Variants in LITAF observed in about 807,000 individuals in gnomAD.
LITAF encodes the protein lipopolysaccharide-induced tumor necrosis factor-alpha factor.
A neutral mutation model predicts 14.5 loss-of-function variants in LITAF; 9 were observed. The observed-to-expected ratio is 0.62, with a 90% CI of 0.37 to 1.08. The LOEUF (loss-of-function observed/expected upper bound fraction) is 1.08, where lower values mean the gene tolerates loss of function less well. Ranked by LOEUF, LITAF falls within the 50% of genes least tolerant of loss-of-function variation. The pLI, the probability that LITAF is intolerant of heterozygous loss-of-function variation, is 0.01. For missense variants in LITAF, 206 were observed against 213.4 expected, an observed-to-expected ratio of 0.97 and a Z score of 0.22; for synonymous variants, 98 against 88.2, an observed-to-expected ratio of 1.11 and a Z score of -0.62.
intron 3 of LITAF, among the ~76,000 whole-genome samples, chr16:11,613,992 C>T (rs769099428): frequency 7.2e-5 from 11 of 152,226 alleles, no homozygotes; most frequent in Non-Finnish European, 1.5e-4. Flanking sequence ...GATTTGGACA[C>T]TTGCACATGA....
chr16:11,632,503 C>T lies in LITAF; in HGVS notation c.85+1030G>A, dbSNP rs898336315. Among the ~76,000 whole-genome samples the T allele has an allele frequency of 1.5e-4, 23 of 152,224 alleles. No individual in the cohort carries two copies. The highest frequency in any genetic ancestry group is 3.1e-4 in the Non-Finnish European group (21 of 68,034). On this transcript the variant is annotated intron_variant, in intron 3 of 3. Transcript: ENST00000574848. This position sits in a 1 kb window ranked among gnomAD's most constrained non-coding sequence, Gnocchi z 4.8. ...AGGGAAGCTCCCGCAGGTCCCAGCT[C>T]AGAACTAACAGCTACCCCTGACTCT...
chr16:11,595,375 C>T (rs900673673), intron 1 of LITAF, among the ~76,000 whole-genome samples: 4 of 152,088 alleles, frequency 2.6e-5, no homozygotes, highest in Non-Finnish European at 4.4e-5. Context: ...GGAGCTGAAA[C>T]GGGGTGAGCT....
In LITAF at chr16:11,549,438, T is replaced by C; in HGVS notation, c.*199A>G. 3.1e-6 allele frequency: 2 copies of C among 635,734 alleles called. No homozygotes were observed. Among genetic ancestry groups the C allele is most frequent in the Non-Finnish European group, 5.8e-6 (2 of 341,988 alleles). The allele number at this position is 635,734 out of a possible 1,614,324, so 39.4% of individuals were successfully genotyped here. On this transcript the variant is annotated 3_prime_UTR_variant, in exon 4 of 4. Coordinates refer to ENST00000622633, the MANE Select transcript of LITAF (RefSeq NM_001136472.2). This position sits in a 1 kb window ranked among gnomAD's most constrained non-coding sequence, Gnocchi z 4.6. ...TCAAGGGGAATGTCTTTGCAAGTCC[T>C]ATGCACGACTCCAAGCAGCAATTTC...
intron 1 of LITAF, among the ~76,000 whole-genome samples, chr16:11,567,249 G>A (rs552400451): frequency 1.1e-4 from 16 of 152,102 alleles, no homozygotes; most frequent in Admixed American, 6.5e-4. Flanking sequence ...GCAAAACCTC[G>A]TCTCTACTAA....
intron 1 of LITAF, among the ~76,000 whole-genome samples, chr16:11,573,268 A>G (rs770389972): frequency 5.9e-5 from 9 of 152,102 alleles, no homozygotes; most frequent in Non-Finnish European, 1.3e-4. Context: ...CAATGCCATG[A>G]TATCATGATA....
chr16:11,583,543 G>A (rs1042250162), intron 1 of LITAF, among the ~76,000 whole-genome samples: 4 of 152,200 alleles, frequency 2.6e-5, no homozygotes, highest in East Asian at 1.9e-4. Flanking sequence ...GAAGCCGCCC[G>A]ATAAGGACAG....
chr16:11,622,446 C>T (rs1354682283), intron 3 of LITAF, among the ~76,000 whole-genome samples: 2 of 152,214 alleles, frequency 1.3e-5, no homozygotes, highest in Non-Finnish European at 2.9e-5. Flanking sequence ...CGGGAAGAGG[C>T]AGCAATCACG....
chr16:11,617,160 C>G (rs1254271808), intron 3 of LITAF, among the ~76,000 whole-genome samples: 1 of 151,972 alleles, frequency 6.6e-6, no homozygotes, highest in Non-Finnish European at 1.5e-5. Context: ...GCAGTAGTTG[C>G]AGTGAGCCGA....
At chr16:11,550,759 T>C (rs1203402955) in intron 3 of LITAF, among the ~76,000 whole-genome samples, 1 of 151,716 alleles carries the variant, frequency 6.6e-6, no homozygotes, top group Non-Finnish European at 1.5e-5. Context: ...GCCTCCCAAA[T>C]TGCTGGGATT....
At position 11,548,494 on chromosome 16, in the gene LITAF, A is replaced by G. The variant is rs368949957; in HGVS notation, c.*1143T>C. Reference sequence around the variant, plus strand: ...TCAAAACCCACCACCAGGAAACCAAAACGGACCCCACTCTGAGAGTTCCAT... The same window carrying G: ...TCAAAACCCACCACCAGGAAACCAAGACGGACCCCACTCTGAGAGTTCCAT... On this transcript the variant is annotated 3_prime_UTR_variant, in exon 4 of 4. Transcript: ENST00000622633. 38 of 454,038 alleles carry G rather than the reference A, an allele frequency of 8.4e-5. No individual in the cohort carries two copies. The highest frequency in any genetic ancestry group is 6.6e-4 in the African/African-American group (33 of 50,102). 28.1% of individuals were successfully genotyped at this position (454,038 alleles called of 1,614,324 possible). A position where few individuals can be genotyped will look rare whatever the true frequency, so the allele number is the denominator to read the frequency against.
At position 11,621,666 on chromosome 16, in the gene LITAF, G is replaced by A. The variant is rs1304514921; in HGVS notation, c.85+11867C>T. ...GGAAGCACAACCCACGTTCTACACA[G>A]CTCCCCTGAATTCCCCGGCAGGATG... On this transcript the variant is annotated intron_variant, in intron 3 of 3. Coordinates refer to the LITAF transcript ENST00000574848. 2.0e-5 allele frequency among the ~76,000 whole-genome samples: 3 copies of A among 152,224 alleles called. No homozygotes were observed. In the East Asian group the frequency reaches 5.8e-4, roughly 29 times the overall value.
chr16:11,592,528 T>C (rs983869997), intron 1 of LITAF, among the ~76,000 whole-genome samples: 3 of 148,422 alleles, frequency 2.0e-5, no homozygotes, highest in African/African-American at 7.5e-5. Flanking sequence ...TGAGCAGAGA[T>C]CATGTCACTG....
intron 1 of LITAF, among the ~76,000 whole-genome samples, chr16:11,570,378 G>A (rs902330110): frequency 1.3e-5 from 2 of 152,168 alleles, no homozygotes; most frequent in Admixed American, 6.5e-5. Context: ...CACTGTGAGA[G>A]GCAGGAGGAC....
rs147343303 is a variant in LITAF, at chr16:11,605,061, C to T, written c.85+28472G>A. ...GGAATCGGCCAGGACCACTGCTGGACGTGGGGCACTTGAATGGGTCCCTCA... is the reference window on the plus strand; with the variant it reads ...GGAATCGGCCAGGACCACTGCTGGATGTGGGGCACTTGAATGGGTCCCTCA... On this transcript the variant is annotated intron_variant, in intron 3 of 3. Transcript: ENST00000574848. The surrounding 1 kb of genome is among the most constrained non-coding windows in gnomAD (Gnocchi z 4.7). Among the ~76,000 whole-genome samples, 1,881 of 152,300 alleles carry T rather than the reference C, an allele frequency of 0.012. 147 individuals carry two copies. The highest frequency in any genetic ancestry group is 0.11 in the Admixed American group (1,740 of 15,286).
chr16:11,553,429 T>C lies in LITAF; in HGVS notation c.377+104A>G. On this transcript the variant is annotated intron_variant, in intron 3 of 3. Coordinates refer to ENST00000622633, the MANE Select transcript of LITAF (RefSeq NM_001136472.2). The surrounding 1 kb of genome is among the most constrained non-coding windows in gnomAD (Gnocchi z 7.7). ...CCATCTCAAAAAAAAACAACACAAA[T>C]GTCTGGCCCTGAATGTCAAGCATGG... 1 of 1,247,084 alleles carries C rather than the reference T, an allele frequency of 8.0e-7. No homozygotes were observed. Among genetic ancestry groups the C allele is most frequent in the Admixed American group, 2.0e-5 (1 of 50,622 alleles). The allele number at this position is 1,247,084 out of a possible 1,614,324, so 77.3% of individuals were successfully genotyped here. A position where few individuals can be genotyped will look rare whatever the true frequency, so the allele number is the denominator to read the frequency against.
chr16:11,605,508 G>A lies in LITAF; in HGVS notation c.85+28025C>T, dbSNP rs181448701. 1.0e-3 allele frequency among the ~76,000 whole-genome samples: 156 copies of A among 152,240 alleles called. No homozygotes were observed. The highest frequency in any genetic ancestry group is 3.6e-3 in the African/African-American group (151 of 41,542). ...ACAGCCCAGAGCCGCACAGGAGGGA[G>A]ACTCCTAGGCAGGGGCCGCAAGGAA... On this transcript the variant is annotated intron_variant, in intron 3 of 3. Transcript: ENST00000574848. This position sits in a 1 kb window ranked among gnomAD's most constrained non-coding sequence, Gnocchi z 4.7.
Position 11,632,734 on chromosome 16 carries a change from C to T in LITAF, c.85+799G>A, listed in dbSNP as rs1567269374. On this transcript the variant is annotated intron_variant, in intron 3 of 3. Transcript: ENST00000574848. The surrounding 1 kb of genome is among the most constrained non-coding windows in gnomAD (Gnocchi z 4.8). The stretch of plus-strand genomic sequence containing the variant: ...GCAAATGCCACTGGCTCTGCTGGCT[C>T]TGAGCGCAGAGTCCAGCCCCCATGC... Among the ~76,000 whole-genome samples the T allele has an allele frequency of 6.6e-6, 1 of 152,242 alleles. No homozygotes were observed.
chr16:11,597,846 T>G (rs2064900188), intron 1 of LITAF, among the ~76,000 whole-genome samples: 2 of 152,156 alleles, frequency 1.3e-5, no homozygotes, highest in African/African-American at 4.8e-5. Context: ...AGAAAGGGGT[T>G]GAGGAGCTAA....
Position 11,616,085 on chromosome 16 carries a change from AC to A in LITAF, c.85+17447del, listed in dbSNP as rs528226209. On this transcript the variant is annotated intron_variant, in intron 3 of 3. Transcript: ENST00000574848. ...ACATCCACTACCTGGGAGGTGGGGCACCCCAACTCCACGGGGACAGTGGCCC... is the reference window on the plus strand; with the variant it reads ...ACATCCACTACCTGGGAGGTGGGGCACCCAACTCCACGGGGACAGTGGCCC... Among the ~76,000 whole-genome samples, 8 of 152,206 alleles carry A rather than the reference AC, an allele frequency of 5.3e-5. No homozygotes were observed. The South Asian group carries it at 1.7e-3, about 32-fold the overall frequency.
Sources: gnomAD v4.1 joint callset for allele counts (sites outside exome capture counted in the v4.1 genomes callset) on GRCh38, gnomAD v4.1.1 for gene constraint, Gnocchi (gnomAD v3.1) non-coding constraint, MANE v1.5 for transcripts, NCBI Gene and HGNC (gene_info 2026-07-23, HGNC 2026-07-21) for gene names.